PAK5: variants seen among roughly 807,000 people sequenced by gnomAD.
PAK5 encodes the protein p21 (RAC1) activated kinase 5, also known as serine/threonine-protein kinase PAK 5.
In PAK5, 16 loss-of-function variants were observed where a neutral mutation model predicts 65.9. That is an observed-to-expected ratio of 0.24 (90% CI 0.16 to 0.37). PAK5 has a LOEUF of 0.37. PAK5 is among the 10% of genes least tolerant of loss of function. The probability of loss-of-function intolerance (pLI) is 1.00; values close to 1 mark genes in which losing one functional copy is unlikely to be tolerated. For synonymous variants in PAK5, 371 were observed against 354.9 expected (o/e 1.05, Z -0.51); for missense variants, 785 against 903.9 (o/e 0.87, Z 1.69).
At chr20:9,553,092 G>C (rs2045454324) in intron 7 of PAK5, among the ~76,000 whole-genome samples, 1 of 152,060 alleles carries the variant, frequency 6.6e-6, no homozygotes, top group Admixed American at 6.6e-5. Flanking sequence ...TCTCTCCCTA[G>C]TATTCGCATC....
At chr20:9,766,033 C>G (rs1412880040) in intron 1 of PAK5, among the ~76,000 whole-genome samples, 1 of 151,840 alleles carries the variant, frequency 6.6e-6, no homozygotes, top group Non-Finnish European at 1.5e-5. Flanking sequence ...ACCATCCTGG[C>G]CAAAATGGTG....
intron 3 of PAK5, among the ~76,000 whole-genome samples, chr20:9,603,307 C>T (rs575495430): frequency 6.0e-4 from 92 of 152,302 alleles, no homozygotes; most frequent in Admixed American, 1.5e-3. Context: ...CAAGCTTTAC[C>T]TGGAAGAGAG....
At chr20:9,833,885 G>A (rs1277493915) in intron 1 of PAK5, among the ~76,000 whole-genome samples, 1 of 152,092 alleles carries the variant, frequency 6.6e-6, no homozygotes, top group African/African-American at 2.4e-5. Context: ...AGTATTTTAT[G>A]TATGTTTCCT....
At chr20:9,626,601 A>G (rs1268381484) in intron 3 of PAK5, among the ~76,000 whole-genome samples, 1 of 152,242 alleles carries the variant, frequency 6.6e-6, no homozygotes, top group Non-Finnish European at 1.5e-5. Flanking sequence ...AGGGTGTGGT[A>G]TCCAACCTGG....
chr20:9,797,579 G>A (rs1053758675), intron 1 of PAK5, among the ~76,000 whole-genome samples: 4 of 151,382 alleles, frequency 2.6e-5, no homozygotes, highest in African/African-American at 4.9e-5. Context: ...ACACCAACAC[G>A]GCACATGTAT....
intron 8 of PAK5, 31 bp downstream of exon 8, chr20:9,544,338 C>G (rs781262220): frequency 6.2e-7 from 1 of 1,608,830 alleles, no homozygotes; most frequent in Non-Finnish European, 8.5e-7. Context: ...TGTCCCCAGT[C>G]CTGCCACGCC....
intron 1 of PAK5, among the ~76,000 whole-genome samples, chr20:9,761,398 G>A (rs2048697663): frequency 6.6e-6 from 1 of 152,046 alleles, no homozygotes; most frequent in African/African-American, 2.4e-5. Context: ...TAAATAAATG[G>A]AAGGATATTC....
intron 1 of PAK5, among the ~76,000 whole-genome samples, chr20:9,819,650 C>T (rs750983288): frequency 1.3e-5 from 2 of 152,078 alleles, no homozygotes; most frequent in East Asian, 3.9e-4. Context: ...TCTCTACCCC[C>T]GTTCTCTGTC....
chr20:9,661,692 C>G (rs994006267), intron 2 of PAK5, among the ~76,000 whole-genome samples: 1 of 152,134 alleles, frequency 6.6e-6, no homozygotes, highest in South Asian at 2.1e-4. Context: ...TTTCTGTAAC[C>G]TATTGGAAGA....
chr20:9,795,976 C>G (rs906492471), intron 1 of PAK5, among the ~76,000 whole-genome samples: 4 of 151,924 alleles, frequency 2.6e-5, no homozygotes, highest in African/African-American at 9.7e-5. Flanking sequence ...TTTTTCTTTA[C>G]AATGGATCGT....
At chr20:9,677,710 T>C (rs560588980) in intron 2 of PAK5, among the ~76,000 whole-genome samples, 21 of 152,360 alleles carry the variant, frequency 1.4e-4, no homozygotes, top group Non-Finnish European at 2.6e-4. Flanking sequence ...TGGAAACTGA[T>C]ATTTTCCTAA....
chr20:9,605,387 T>C (rs976124316), intron 3 of PAK5, among the ~76,000 whole-genome samples: 2 of 152,236 alleles, frequency 1.3e-5, no homozygotes, highest in African/African-American at 4.8e-5. Flanking sequence ...GGCATCTTCA[T>C]GACTGCTGTA....
chr20:9,805,724 G>T (rs1262854320), intron 1 of PAK5, among the ~76,000 whole-genome samples: 1 of 152,108 alleles, frequency 6.6e-6, no homozygotes, highest in East Asian at 1.9e-4. Context: ...TTTTTGCAGG[G>T]GCCTGGGGGA....
At chr20:9,550,129 T>C (rs2045403803) in intron 7 of PAK5, among the ~76,000 whole-genome samples, 1 of 152,222 alleles carries the variant, frequency 6.6e-6, no homozygotes, top group South Asian at 2.1e-4. Flanking sequence ...GCAATGCTAC[T>C]GTCTTCCATG....
intron 1 of PAK5, among the ~76,000 whole-genome samples, chr20:9,726,989 T>C (rs1408058181): frequency 6.6e-6 from 1 of 152,154 alleles, no homozygotes; most frequent in African/African-American, 2.4e-5. Context: ...AGAATCTTCA[T>C]AATTTTTAAA....
intron 1 of PAK5, among the ~76,000 whole-genome samples, chr20:9,791,523 C>A (rs1323923120): frequency 6.6e-6 from 1 of 152,058 alleles, no homozygotes; most frequent in Non-Finnish European, 1.5e-5. Context: ...CAAGTGCTGG[C>A]CCCTTCATCT....
chr20:9,835,076 A>G (rs550452042), intron 1 of PAK5, among the ~76,000 whole-genome samples: 1 of 152,332 alleles, frequency 6.6e-6, no homozygotes, highest in South Asian at 2.1e-4. Context: ...AAGGTTCTAA[A>G]TTGCTCTTTC....
chr20:9,614,810 C>T (rs2046625815), intron 3 of PAK5, among the ~76,000 whole-genome samples: 1 of 152,114 alleles, frequency 6.6e-6, no homozygotes, highest in African/African-American at 2.4e-5. Context: ...GCAGATCTGC[C>T]TTGTTAAATG....
intron 1 of PAK5, among the ~76,000 whole-genome samples, chr20:9,721,949 C>T (rs2048220232): frequency 6.6e-6 from 1 of 152,074 alleles, no homozygotes; most frequent in Non-Finnish European, 1.5e-5. Flanking sequence ...GAAATATTTT[C>T]ATTCTAGCTG....
Sources: allele counts gnomAD v4.1 joint callset (sites outside exome capture counted in the v4.1 genomes callset), GRCh38; gene constraint gnomAD v4.1.1; transcripts MANE v1.5; gene names NCBI Gene and HGNC (gene_info 2026-07-23, HGNC 2026-07-21).